Variants in SEC24B observed in about 807,000 individuals in gnomAD.
SEC24B encodes SEC24 homolog B, COPII component, also known as protein transport protein Sec24B.
In SEC24B, 45 loss-of-function variants were observed where a neutral mutation model predicts 142.8. The ratio of observed to expected loss-of-function variants is 0.32; its 90% confidence interval spans 0.25 to 0.40. The LOEUF (loss-of-function observed/expected upper bound fraction) is 0.40, where lower values mean the gene tolerates loss of function less well. Among genes scored for constraint, SEC24B ranks in the 10% least tolerant of loss-of-function variants. SEC24B has a pLI of 1.00. For missense variants in SEC24B, 1,409 were observed against 1,526.8 expected, an observed-to-expected ratio of 0.92 and a Z score of 1.29; for synonymous variants, 574 against 568.2, an observed-to-expected ratio of 1.01 and a Z score of -0.15.
chr4:109,537,951 T>G lies in SEC24B; in HGVS notation c.3589-542T>G, dbSNP rs1196926363. ...AAAAAGGAAAGTAAATCTTACCTTT[T>G]TATGTATATAAAAAATAATAGACTT... On this transcript the variant is annotated intron_variant, in intron 22 of 23. Transcript: ENST00000265175. 2.6e-5 allele frequency among the ~76,000 whole-genome samples: 4 copies of G among 152,312 alleles called. No homozygotes were observed. In the South Asian group the frequency reaches 6.2e-4, roughly 24 times the overall value.
Position 109,533,595 on chromosome 4 carries a change from T to A in SEC24B, c.3498T>A (p.Val1166=). 1.2e-6 allele frequency: 2 copies of A among 1,605,846 alleles called. No homozygotes were observed. The highest frequency in any genetic ancestry group is 1.7e-6 in the Non-Finnish European group (2 of 1,174,404). ...ATTTTGTTGCTTTTTCTTTTTAGGTTTTTTACATTTGGGTTGGGAAAGGCT... is the reference window on the plus strand; with the variant it reads ...ATTTTGTTGCTTTTTCTTTTTAGGTATTTTACATTTGGGTTGGGAAAGGCT... ...EGAFLMDCGS[V]FYIWVGKGCD... is the part of the protein sequence containing the mutation. The change falls in exon 22 of 24, where the codon GTT becomes GTA. Residue 1166 remains valine, a splice_region_variant and synonymous_variant. Coordinates refer to ENST00000265175, the MANE Select transcript of SEC24B (RefSeq NM_006323.5).
At chr4:109,515,784 A>G (rs544314140) in intron 10 of SEC24B, among the ~76,000 whole-genome samples, 6 of 152,308 alleles carry the variant, frequency 3.9e-5, no homozygotes, top group Admixed American at 2.0e-4. Context: ...TCACACCAGT[A>G]ATCCTAGCAC....
chr4:109,434,029 C>T, intron 1 of SEC24B, 27 bp downstream of exon 1: 1 of 1,099,492 alleles, frequency 9.1e-7, no homozygotes, highest in Non-Finnish European at 1.1e-6. Context: ...GGGCGGAGCG[C>T]GGGGCCTAGC....
chr4:109,534,360 G>A (rs1326348645), intron 22 of SEC24B, among the ~76,000 whole-genome samples: 2 of 152,036 alleles, frequency 1.3e-5, no homozygotes, highest in African/African-American at 2.4e-5. Flanking sequence ...GCAGAGGCAG[G>A]CAGATCACAA....
chr4:109,445,409 A>G (rs1578758276), intron 1 of SEC24B, among the ~76,000 whole-genome samples: 1 of 21,272 alleles, frequency 4.7e-5, no homozygotes, highest in Non-Finnish European at 8.3e-5. Flanking sequence ...ACGCCCAGCT[A>G]ATTTTTTTTT....
Position 109,463,378 on chromosome 4 carries a change from G to C in SEC24B, c.611G>C (p.Gly204Ala). 6.2e-7 allele frequency: 1 copy of C among 1,614,156 alleles called. No homozygotes were observed. The highest frequency in any genetic ancestry group is 2.2e-5 in the East Asian group (1 of 44,880). The change falls in exon 2 of 24, where the codon GGT (glycine) becomes GCT (alanine). Residue 204 changes from glycine (G) to alanine (A), a missense_variant. Physicochemically the swap from Gly to Ala is moderately conservative, Grantham distance 60. This residue lies in a region of SEC24B where 709 missense variants were observed against 673.5 expected (regional missense o/e 1.05). Coordinates refer to ENST00000265175, the MANE Select transcript of SEC24B (RefSeq NM_006323.5). ...PSVSYPSLPA[G>A]DTYGQMFTSQ... ...GTTTCATATCCCTCTCTGCCTGCTG[G>C]TGATACATATGGGCAAATGTTTACC...
intron 1 of SEC24B, among the ~76,000 whole-genome samples, chr4:109,445,193 G>A (rs1429678173): frequency 6.6e-6 from 1 of 151,838 alleles, no homozygotes; most frequent in East Asian, 1.9e-4. Context: ...CAAAGTGCTG[G>A]GATTACAAGC....
At chr4:109,524,736 G>A (rs529944771) in intron 14 of SEC24B, 82 bp from the exon 15 acceptor site, 3 of 1,332,314 alleles carry the variant, frequency 2.3e-6, no homozygotes, top group East Asian at 4.9e-5. Context: ...GGGAGGCAGA[G>A]GATATCCTTT....
intron 3 of SEC24B, among the ~76,000 whole-genome samples, chr4:109,475,851 C>A (rs768569188): frequency 3.3e-5 from 5 of 152,034 alleles, no homozygotes; most frequent in Admixed American, 3.3e-4. Flanking sequence ...ACTCTTTTAT[C>A]ACTCTATTGT....
intron 1 of SEC24B, among the ~76,000 whole-genome samples, chr4:109,442,283 C>T (rs927871118): frequency 8.6e-5 from 13 of 152,040 alleles, no homozygotes; most frequent in African/African-American, 2.4e-4. Context: ...CCTTCAGCTG[C>T]GGATTATGAG....
chr4:109,512,192 T>G, intron 9 of SEC24B, 109 bp downstream of exon 9: 2 of 1,051,892 alleles, frequency 1.9e-6, no homozygotes, highest in East Asian at 2.4e-5. Context: ...AGAATTTTCA[T>G]GCCATTTTTA....
intron 1 of SEC24B, among the ~76,000 whole-genome samples, chr4:109,461,727 G>A (rs760849955): frequency 2.6e-5 from 4 of 152,202 alleles, no homozygotes; most frequent in African/African-American, 4.8e-5. Context: ...CTACTAGGCA[G>A]AGATTTTTAA....
At chr4:109,513,890 A>C in intron 10 of SEC24B, 34 bp downstream of exon 10, 1 of 1,303,932 alleles carries the variant, frequency 7.7e-7, no homozygotes, top group Admixed American at 1.7e-5. Flanking sequence ...GTTATGGAAC[A>C]CAATTACATT....
At chr4:109,511,219 C>T (rs1325943179) in intron 8 of SEC24B, among the ~76,000 whole-genome samples, 2 of 151,826 alleles carry the variant, frequency 1.3e-5, no homozygotes, top group African/African-American at 4.8e-5. Context: ...TTTACAGTGA[C>T]ATCTTCTGTG....
intron 4 of SEC24B, among the ~76,000 whole-genome samples, chr4:109,487,508 C>T (rs1006240313): frequency 1.3e-5 from 2 of 152,140 alleles, no homozygotes; most frequent in African/African-American, 4.8e-5. Context: ...AGTGTGAAGG[C>T]ATTTACACCT....
intron 5 of SEC24B, 23 bp from the exon 6 acceptor site, chr4:109,494,592 C>T: frequency 2.5e-6 from 4 of 1,612,918 alleles, no homozygotes; most frequent in Non-Finnish European, 3.4e-6. Context: ...CAGTTGTTAA[C>T]ACCATGTGTT....
intron 6 of SEC24B, among the ~76,000 whole-genome samples, chr4:109,497,264 A>G (rs1168356234): frequency 6.6e-6 from 1 of 152,226 alleles, no homozygotes; most frequent in Non-Finnish European, 1.5e-5. Flanking sequence ...TGTAGGAAGT[A>G]TTTTTCATTT....
intron 14 of SEC24B, 141 bp downstream of exon 14, chr4:109,521,767 T>C (rs1454117732): frequency 1.5e-6 from 1 of 682,070 alleles, no homozygotes; most frequent in Non-Finnish European, 2.4e-6. Context: ...GGTCTCACAC[T>C]GTTGCCCAGG....
chr4:109,506,178 T>C, intron 6 of SEC24B, 150 bp from the exon 7 acceptor site: 1 of 441,684 alleles, frequency 2.3e-6, no homozygotes. Context: ...TTGAGTTTTT[T>C]TCAAGTGTGC....
Sources: gnomAD v4.1 joint callset for allele counts (sites outside exome capture counted in the v4.1 genomes callset) on GRCh38, gnomAD v4.1.1 for gene constraint, gnomAD v4.1.1 regional missense constraint, MANE v1.5 for transcripts, NCBI Gene and HGNC (gene_info 2026-07-23, HGNC 2026-07-21) for gene names.